CARD19: variants seen among roughly 807,000 people sequenced by gnomAD.
The protein encoded by CARD19 is caspase recruitment domain-containing protein 19.
Under a neutral mutation model 24.1 loss-of-function variants are expected in CARD19, and 25 were observed. That is an observed-to-expected ratio of 1.04 (90% CI 0.76 to 1.45). The LOEUF (loss-of-function observed/expected upper bound fraction) is 1.45. CARD19 is among the 40% of genes most tolerant of loss of function. The probability of loss-of-function intolerance (pLI) is 0.00; values close to 1 mark genes in which losing one functional copy is unlikely to be tolerated. For missense variants in CARD19, 241 were observed against 247.4 expected, an observed-to-expected ratio of 0.97 and a Z score of 0.17; for synonymous variants, 103 against 104.9, an observed-to-expected ratio of 0.98 and a Z score of 0.11.
At chr9:93,101,906 T>A (rs946021076) in intron 1 of CARD19, among the ~76,000 whole-genome samples, 1 of 152,060 alleles carries the variant, frequency 6.6e-6, no homozygotes, top group Admixed American at 6.6e-5. Context: ...GAGTACGAAG[T>A]GATATCTCAT....
intron 2 of CARD19, among the ~76,000 whole-genome samples, chr9:93,108,379 T>C (rs914608433): frequency 6.6e-6 from 1 of 152,120 alleles, no homozygotes; most frequent in Non-Finnish European, 1.5e-5. Context: ...GGTAGGCAGC[T>C]GAGCTTCTAG....
rs779513688 is a variant in CARD19, at chr9:93,096,725, G to A, written c.7+373G>A. ...TGGGGAATTTGGTCTGAAAGAGTAG[G>A]AGGTGGTAGAAATGACACCGGAGAG... On this transcript the variant is annotated intron_variant, in intron 1 of 5. Coordinates refer to ENST00000375464, the MANE Select transcript of CARD19 (RefSeq NM_032310.5). This position sits in a 1 kb window ranked among gnomAD's most constrained non-coding sequence, Gnocchi z 5.4. 1.6e-4 allele frequency among the ~76,000 whole-genome samples: 24 copies of A among 152,202 alleles called. No homozygotes were observed. The highest frequency in any genetic ancestry group is 3.4e-4 in the Non-Finnish European group (23 of 68,034).
In CARD19 at chr9:93,096,641, G is replaced by A. The variant is rs1826873624; in HGVS notation, c.7+289G>A. Among the ~76,000 whole-genome samples, 1 of 152,230 alleles carries A rather than the reference G, an allele frequency of 6.6e-6. No homozygotes were observed. Among genetic ancestry groups the A allele is most frequent in the African/African-American group, 2.4e-5 (1 of 41,460 alleles). ...GCGGGGGCTACAAGGCAGCTCCAGG[G>A]TGGGGCTGCACAGCCGCGGTCTGGG... On this transcript the variant is annotated intron_variant, in intron 1 of 5. Coordinates refer to ENST00000375464, the MANE Select transcript of CARD19 (RefSeq NM_032310.5). This position sits in a 1 kb window ranked among gnomAD's most constrained non-coding sequence, Gnocchi z 5.4.
rs546759492 is a variant in CARD19, at chr9:93,108,272, C to T, written c.150+456C>T. On this transcript the variant is annotated intron_variant, in intron 2 of 5. Coordinates refer to ENST00000375464, the MANE Select transcript of CARD19 (RefSeq NM_032310.5). Reference sequence around the variant, plus strand: ...CACCCCAGTGCCACAGGGCTTTGCACTCTGCATCTTCCGAAGGTTCAAAGC... The same window carrying T: ...CACCCCAGTGCCACAGGGCTTTGCATTCTGCATCTTCCGAAGGTTCAAAGC... Among the ~76,000 whole-genome samples, 56 of 152,318 alleles carry T rather than the reference C, an allele frequency of 3.7e-4. No homozygotes were observed. In the South Asian group the frequency reaches 0.012, roughly 32 times the overall value.
At chr9:93,100,725 C>T (rs1000057693) in intron 1 of CARD19, among the ~76,000 whole-genome samples, 1 of 152,200 alleles carries the variant, frequency 6.6e-6, no homozygotes, top group Non-Finnish European at 1.5e-5. Context: ...TCCCCTTTCT[C>T]CTTCTGCCCA....
At chr9:93,110,243 C>A in intron 2 of CARD19, 1 of 283,912 alleles carries the variant, frequency 3.5e-6, no homozygotes, top group South Asian at 5.5e-5. Context: ...GATCTGCCTG[C>A]CTCAGCCTCC....
intron 1 of CARD19, among the ~76,000 whole-genome samples, chr9:93,102,063 G>A (rs1279945584): frequency 6.6e-6 from 1 of 151,332 alleles, no homozygotes; most frequent in Non-Finnish European, 1.5e-5. Context: ...CTGGGTTCAA[G>A]CAATTCTCCT....
chr9:93,111,853 A>G (rs1456226746), intron 3 of CARD19, 26 bp from the exon 4 acceptor site: 2 of 1,610,016 alleles, frequency 1.2e-6, no homozygotes, highest in South Asian at 2.2e-5. Context: ...CCGTTGACTA[A>G]CTATGCTCTG....
chr9:93,106,577 C>CA (rs58551380), intron 1 of CARD19, among the ~76,000 whole-genome samples: 13,558 of 134,946 alleles, frequency 0.1, 674 homozygotes, highest in South Asian at 0.18. Context: ...CAAAAAAAAA[C>CA]AAAAAAAAAA....
rs552926565 is a variant in CARD19 at position 93,097,450 on chromosome 9, C to T, written c.7+1098C>T. On this transcript the variant is annotated intron_variant, in intron 1 of 5. Coordinates refer to ENST00000375464, the MANE Select transcript of CARD19 (RefSeq NM_032310.5). The stretch of plus-strand genomic sequence containing the variant: ...TGTGGCTCTCATTTCTGAGCACTTA[C>T]TGTGCATTGGACCCTGTGTTGGGTG... Among the ~76,000 whole-genome samples the T allele has an allele frequency of 8.5e-5, 13 of 152,328 alleles. No individual in the cohort carries two copies. In the East Asian group the frequency reaches 2.1e-3, roughly 25 times the overall value.
intron 1 of CARD19, among the ~76,000 whole-genome samples, chr9:93,106,580 A>C (rs973472508): frequency 6.6e-6 from 1 of 150,826 alleles, no homozygotes; most frequent in African/African-American, 2.5e-5. Context: ...AAAAAAACAA[A>C]AAAAAAAAAA....
At chr9:93,108,063 TTGGGTCTG>T (rs1827330660) in intron 2 of CARD19, among the ~76,000 whole-genome samples, 1 of 152,144 alleles carries the variant, frequency 6.6e-6, no homozygotes, top group South Asian at 2.1e-4. Context: ...TCATATGTCA[TTGGGTCTG>T]CTGTCCCCTT....
chr9:93,106,586 A>AAC (rs1340635994), intron 1 of CARD19, among the ~76,000 whole-genome samples: 8 of 151,888 alleles, frequency 5.3e-5, no homozygotes, highest in South Asian at 2.1e-4. Context: ...ACAAAAAAAA[A>AAC]AAAACAAAGT....
In CARD19 at chr9:93,096,630, G is replaced by T. The variant is rs541000453; in HGVS notation, c.7+278G>T. Among the ~76,000 whole-genome samples, 1 of 152,354 alleles carries T rather than the reference G, an allele frequency of 6.6e-6. No individual in the cohort carries two copies. The highest frequency in any genetic ancestry group is 2.4e-5 in the African/African-American group (1 of 41,590). On this transcript the variant is annotated intron_variant, in intron 1 of 5. Coordinates refer to ENST00000375464, the MANE Select transcript of CARD19 (RefSeq NM_032310.5). This position sits in a 1 kb window ranked among gnomAD's most constrained non-coding sequence, Gnocchi z 5.4. ...GCCCGAAGAGGGCGGGGGCTACAAG[G>T]CAGCTCCAGGGTGGGGCTGCACAGC...
At position 93,096,397 on chromosome 9, in the gene CARD19, A is replaced by G; in HGVS notation, c.7+45A>G. On this transcript the variant is annotated intron_variant, in intron 1 of 5. Transcript: ENST00000375464. The surrounding 1 kb of genome is among the most constrained non-coding windows in gnomAD (Gnocchi z 5.4). ...GGCGGCAGGGATGCGGGCGCCCTGG[A>G]TGGGTGGCCCGGCCCGGGGGTCCGG... 3 of 1,223,226 alleles carry G rather than the reference A, an allele frequency of 2.5e-6. No individual in the cohort carries two copies. The highest frequency in any genetic ancestry group is 3.1e-6 in the Non-Finnish European group (3 of 982,214). The allele number at this position is 1,223,226 out of a possible 1,614,324, so 75.8% of individuals were successfully genotyped here.
In CARD19 at chr9:93,110,604, T is replaced by C; in HGVS notation, c.187T>C (p.Cys63Arg). ...NPKASLRVRLCDLLSHLQRSG... is the reference protein window; with the variant it reads ...NPKASLRVRLRDLLSHLQRSG... Reference sequence around the variant, plus strand: ...CAAGGCATCCTTGCGTGTGCGGCTCTGTGACCTCCTGAGCCACCTGCAGCG... The same window carrying C: ...CAAGGCATCCTTGCGTGTGCGGCTCCGTGACCTCCTGAGCCACCTGCAGCG... Residue 63 changes from cysteine to arginine, a missense_variant, in exon 3 of 6, where the codon TGT (cysteine) becomes CGT (arginine). Coordinates refer to ENST00000375464, the MANE Select transcript of CARD19 (RefSeq NM_032310.5). 6 of 1,613,196 alleles carry C rather than the reference T, an allele frequency of 3.7e-6. No individual in the cohort carries two copies. Among genetic ancestry groups the C allele is most frequent in the Non-Finnish European group, 5.1e-6 (6 of 1,179,444 alleles).
At chr9:93,111,770 G>T in intron 3 of CARD19, 109 bp from the exon 4 acceptor site, 1 of 1,521,026 alleles carries the variant, frequency 6.6e-7, no homozygotes. Flanking sequence ...AGCCTGGTTC[G>T]GCCTGGCGGC....
At position 93,112,416 on chromosome 9, in the gene CARD19, G is replaced by A. The variant is rs376171915; in HGVS notation, c.436+127G>A. ...ACCTCGGTGTCCACACTTGTGCAGTGGGATGGTGTCACCTCGCAGGGCTCC... is the reference window on the plus strand; with the variant it reads ...ACCTCGGTGTCCACACTTGTGCAGTAGGATGGTGTCACCTCGCAGGGCTCC... On this transcript the variant is annotated intron_variant, in intron 5 of 5. Transcript: ENST00000375464. The A allele has an allele frequency of 5.8e-5, 44 of 757,502 alleles. No homozygotes were observed. In the African/African-American group the frequency reaches 6.2e-4, roughly 11 times the overall value. 46.9% of individuals were successfully genotyped at this position (757,502 alleles called of 1,614,324 possible).
At chr9:93,098,366 G>A (rs113222796) in intron 1 of CARD19, among the ~76,000 whole-genome samples, 2,956 of 152,322 alleles carry the variant, frequency 0.019, 46 homozygotes, top group Non-Finnish European at 0.029. Context: ...TAGAGGGCCC[G>A]GTGAGAGTGG....
Sources: allele counts gnomAD v4.1 joint callset (sites outside exome capture counted in the v4.1 genomes callset), GRCh38; gene constraint gnomAD v4.1.1; non-coding constraint Gnocchi (gnomAD v3.1); transcripts MANE v1.5; gene names NCBI Gene and HGNC (gene_info 2026-07-23, HGNC 2026-07-21).